The following CDH13 variants were observed in gnomAD, a reference collection of about 807,000 sequenced individuals.
The protein encoded by CDH13 is cadherin 13.
Under a neutral mutation model 63.8 loss-of-function variants are expected in CDH13, and 24 were observed. The observed-to-expected ratio is 0.38, with a 90% CI of 0.27 to 0.53. CDH13 has a LOEUF of 0.53. Among genes scored for constraint, CDH13 ranks in the 20% least tolerant of loss-of-function variants. CDH13 has a pLI of 0.85. For synonymous variants in CDH13, 503 were observed against 355.3 expected, an observed-to-expected ratio of 1.42 and a Z score of -4.67; for missense variants, 1,049 against 903.1, an observed-to-expected ratio of 1.16 and a Z score of -2.07.
intron 6 of CDH13, among the ~76,000 whole-genome samples, chr16:83,462,613 C>T (rs566128127): frequency 4.1e-4 from 63 of 152,224 alleles, no homozygotes; most frequent in African/African-American, 1.4e-3. Context: ...AATAAATTAG[C>T]CAGGTGTGAT....
At chr16:83,507,192 C>T (rs1435795800) in intron 7 of CDH13, among the ~76,000 whole-genome samples, 1 of 152,194 alleles carries the variant, frequency 6.6e-6, no homozygotes, top group African/African-American at 2.4e-5. Flanking sequence ...TTTTCTCACA[C>T]AGATTGTTTA....
At chr16:82,774,031 C>T (rs1284116826) in intron 1 of CDH13, among the ~76,000 whole-genome samples, 3 of 152,078 alleles carry the variant, frequency 2.0e-5, no homozygotes, top group African/African-American at 4.8e-5. Flanking sequence ...GATCCACCTG[C>T]CTTGGCCTCC....
intron 8 of CDH13, among the ~76,000 whole-genome samples, chr16:83,628,236 C>G (rs979101808): frequency 1.1e-4 from 16 of 152,058 alleles, no homozygotes; most frequent in African/African-American, 3.9e-4. Context: ...TGGTGTTGAT[C>G]TGGTTCAAAC....
At chr16:82,715,364 G>A (rs544915954) in intron 1 of CDH13, among the ~76,000 whole-genome samples, 7 of 152,232 alleles carry the variant, frequency 4.6e-5, no homozygotes, top group African/African-American at 1.7e-4. Context: ...TCTGTTTGTT[G>A]AGAGGCAAAG....
intron 5 of CDH13, among the ~76,000 whole-genome samples, chr16:83,227,550 C>A (rs551909145): frequency 2.0e-5 from 3 of 152,174 alleles, no homozygotes; most frequent in Non-Finnish European, 4.4e-5. Context: ...AGCCAACCTC[C>A]GTGTTACCCA....
At chr16:83,693,241 TG>T (rs1243344354) in intron 10 of CDH13, among the ~76,000 whole-genome samples, 1 of 152,048 alleles carries the variant, frequency 6.6e-6, no homozygotes, top group East Asian at 1.9e-4. Flanking sequence ...ACCTGAAACA[TG>T]GGGAGGAATA....
At chr16:83,018,100 T>C (rs1200182694) in intron 2 of CDH13, among the ~76,000 whole-genome samples, 1 of 152,220 alleles carries the variant, frequency 6.6e-6, no homozygotes, top group Non-Finnish European at 1.5e-5. Context: ...CTTTGGAGTG[T>C]GGTGAACCTG....
intron 7 of CDH13, among the ~76,000 whole-genome samples, chr16:83,539,017 C>T (rs1598252517): frequency 6.6e-6 from 1 of 152,052 alleles, no homozygotes; most frequent in Non-Finnish European, 1.5e-5. Context: ...AACCAAGATT[C>T]ATTGTAAATC....
chr16:83,144,718 A>G (rs74033928), intron 4 of CDH13, among the ~76,000 whole-genome samples: 2,293 of 152,356 alleles, frequency 0.015, 66 homozygotes, highest in African/African-American at 0.052. Context: ...AAAAAATCAC[A>G]TAAGAGTCCA....
Position 83,303,344 on chromosome 16 carries a change from T to A in CDH13, c.637-41518T>A, listed in dbSNP as rs1354177213. ...CAATAACCCAGTAGGTCCAGATGCTTATACAACTTTCTTCATTGGGGAATG... is the reference window on the plus strand; with the variant it reads ...CAATAACCCAGTAGGTCCAGATGCTAATACAACTTTCTTCATTGGGGAATG... On this transcript the variant is annotated intron_variant, in intron 5 of 13. Transcript: ENST00000567109. Among the ~76,000 whole-genome samples, 3 of 152,208 alleles carry A rather than the reference T, an allele frequency of 2.0e-5. No individual in the cohort carries two copies. In the East Asian group the frequency reaches 5.8e-4, roughly 29 times the overall value.
chr16:83,340,022 C>G (rs2090687370), intron 5 of CDH13, among the ~76,000 whole-genome samples: 1 of 152,176 alleles, frequency 6.6e-6, no homozygotes, highest in Non-Finnish European at 1.5e-5. Context: ...CCCCCCAACA[C>G]TCATCACCAT....
intron 2 of CDH13, among the ~76,000 whole-genome samples, chr16:82,989,630 T>A (rs1478719454): frequency 6.6e-6 from 1 of 152,138 alleles, no homozygotes; most frequent in African/African-American, 2.4e-5. Flanking sequence ...AGACTTTAAT[T>A]TTCTCGATTA....
chr16:83,170,339 T>A (rs1204843410), intron 4 of CDH13, among the ~76,000 whole-genome samples: 1 of 152,138 alleles, frequency 6.6e-6, no homozygotes, highest in Non-Finnish European at 1.5e-5. Flanking sequence ...ACTCTGGATG[T>A]ACAAGGTCAG....
At chr16:83,418,017 C>G (rs1000543841) in intron 6 of CDH13, among the ~76,000 whole-genome samples, 1 of 152,084 alleles carries the variant, frequency 6.6e-6, no homozygotes, top group African/African-American at 2.4e-5. Context: ...CTGTTGAAGC[C>G]CTTTGTCAAC....
chr16:83,766,993 C>T (rs539432290), intron 11 of CDH13, among the ~76,000 whole-genome samples: 8 of 152,242 alleles, frequency 5.3e-5, no homozygotes, highest in East Asian at 1.9e-4. Context: ...CCCAGCAACT[C>T]GGAACGGTGA....
chr16:83,785,765 T>C (rs1404338955), intron 13 of CDH13, among the ~76,000 whole-genome samples: 1 of 152,136 alleles, frequency 6.6e-6, no homozygotes, highest in Non-Finnish European at 1.5e-5. Context: ...TAGCTACCCA[T>C]ACCTGAGCCC....
At chr16:83,263,047 T>C (rs1907172666) in intron 5 of CDH13, among the ~76,000 whole-genome samples, 1 of 152,216 alleles carries the variant, frequency 6.6e-6, no homozygotes. Context: ...CGTCTGGTGT[T>C]CAAATACATT....
chr16:83,137,423 A>C (rs1295754675), intron 4 of CDH13, among the ~76,000 whole-genome samples: 1 of 152,190 alleles, frequency 6.6e-6, no homozygotes, highest in Admixed American at 6.5e-5. Flanking sequence ...AACCTCGCCA[A>C]CATTTATTTG....
intron 6 of CDH13, among the ~76,000 whole-genome samples, chr16:83,373,982 C>T (rs894225338): frequency 2.6e-5 from 4 of 152,310 alleles, no homozygotes; most frequent in African/African-American, 7.2e-5. Context: ...GATCTCCAAA[C>T]GCAACAGGAA....
Sources: gnomAD v4.1 joint callset for allele counts (sites outside exome capture counted in the v4.1 genomes callset) on GRCh38, gnomAD v4.1.1 for gene constraint, MANE v1.5 for transcripts, NCBI Gene and HGNC (gene_info 2026-07-23, HGNC 2026-07-21) for gene names.